Variants in PPP1R12B observed in about 807,000 individuals in gnomAD.
The protein encoded by PPP1R12B is myosin phosphatase target subunit 2.
PPP1R12B carries 76 observed loss-of-function variants against 126.1 expected under a neutral mutation model. The ratio of observed to expected loss-of-function variants is 0.60; its 90% CI spans 0.50 to 0.73. The LOEUF is 0.73. PPP1R12B is among the 30% of genes least tolerant of loss of function. The pLI, the probability that PPP1R12B is intolerant of heterozygous loss-of-function variation, is 0.00. For missense variants in PPP1R12B, 1,052 were observed against 1,205.1 expected (o/e 0.87, Z 1.88); for synonymous variants, 356 against 434.7 (o/e 0.82, Z 2.25).
intron 3 of PPP1R12B, 150 bp downstream of exon 3, chr1:202,422,888 A>G (rs1668991650): frequency 6.2e-6 from 7 of 1,135,182 alleles, no homozygotes; most frequent in Non-Finnish European, 4.9e-6. Context: ...ATCCAGCATC[A>G]TGTATCCTCA....
intron 10 of PPP1R12B, chr1:202,438,957 T>C: frequency 1.3e-6 from 2 of 1,535,446 alleles, no homozygotes; most frequent in Non-Finnish European, 1.8e-6. Context: ...TGGCCTGACC[T>C]GGAGATGCTC....
chr1:202,443,189 C>T, intron 12 of PPP1R12B: 1 of 879,882 alleles, frequency 1.1e-6, no homozygotes, highest in Non-Finnish European at 1.4e-6. Flanking sequence ...TTCTTTGCCA[C>T]ATACTAGCCA....
intron 13 of PPP1R12B, among the ~76,000 whole-genome samples, chr1:202,461,183 C>T (rs1674265152): frequency 6.6e-6 from 1 of 150,762 alleles, no homozygotes; most frequent in African/African-American, 2.4e-5. Context: ...TAGTGAGATC[C>T]CCATCTCTTT....
chr1:202,551,143 A>G (rs1314257750), intron 18 of PPP1R12B, among the ~76,000 whole-genome samples: 6 of 152,228 alleles, frequency 3.9e-5, no homozygotes, highest in Non-Finnish European at 8.8e-5. Context: ...TCATTTTTAC[A>G]TGCCTTAAAT....
chr1:202,396,978 C>T (rs958166573), intron 1 of PPP1R12B, among the ~76,000 whole-genome samples: 5 of 152,120 alleles, frequency 3.3e-5, no homozygotes, highest in Admixed American at 6.6e-5. Flanking sequence ...CAACCTTATT[C>T]GCCAACCTTT....
chr1:202,574,114 TC>T (rs1558392399), intron 23 of PPP1R12B, among the ~76,000 whole-genome samples: 1 of 151,828 alleles, frequency 6.6e-6, no homozygotes, highest in Non-Finnish European at 1.5e-5. Context: ...AGCTGACAGT[TC>T]TTTCTTATTT....
At chr1:202,543,629 C>T (rs557836435) in intron 18 of PPP1R12B, among the ~76,000 whole-genome samples, 4 of 152,154 alleles carry the variant, frequency 2.6e-5, no homozygotes, top group South Asian at 4.2e-4. Flanking sequence ...TTAAGCTTTT[C>T]GGGAGGCTGA....
intron 2 of PPP1R12B, among the ~76,000 whole-genome samples, chr1:202,421,434 C>T (rs1199204145): frequency 6.6e-6 from 1 of 150,688 alleles, no homozygotes; most frequent in Non-Finnish European, 1.5e-5. Flanking sequence ...GTCTGGAGTT[C>T]AAGACCAGCC....
intron 18 of PPP1R12B, among the ~76,000 whole-genome samples, chr1:202,500,834 A>G (rs1680148559): frequency 6.6e-6 from 1 of 152,222 alleles, no homozygotes; most frequent in African/African-American, 2.4e-5. Context: ...TACCACATAA[A>G]TACGTACTAT....
intron 1 of PPP1R12B, among the ~76,000 whole-genome samples, chr1:202,396,400 A>G (rs1664986006): frequency 6.6e-6 from 1 of 152,166 alleles, no homozygotes; most frequent in Non-Finnish European, 1.5e-5. Context: ...GATTTAATGA[A>G]TATTAATTCA....
At chr1:202,468,694 C>T (rs1033672434) in intron 13 of PPP1R12B, among the ~76,000 whole-genome samples, 2 of 152,188 alleles carry the variant, frequency 1.3e-5, no homozygotes, top group African/African-American at 4.8e-5. Context: ...TGGCTCATGC[C>T]TGTAATCCCA....
chr1:202,483,852 C>T (rs1677727410), intron 13 of PPP1R12B, among the ~76,000 whole-genome samples: 1 of 152,178 alleles, frequency 6.6e-6, no homozygotes, highest in African/African-American at 2.4e-5. Context: ...TAATTGTACC[C>T]TTTATCAATG....
chr1:202,547,302 CT>C (rs1685744188), intron 18 of PPP1R12B, among the ~76,000 whole-genome samples: 1 of 152,166 alleles, frequency 6.6e-6, no homozygotes, highest in Admixed American at 6.5e-5. Context: ...CTTTCATCAG[CT>C]TTTTATTTCT....
rs539757731 is a variant in PPP1R12B at position 202,395,607 on chromosome 1, A to G, written c.292-21180A>G. 4.6e-5 allele frequency among the ~76,000 whole-genome samples: 7 copies of G among 152,220 alleles called. No homozygotes were observed. The East Asian group carries it at 1.4e-3, about 29-fold the overall frequency. Reference sequence around the variant, plus strand: ...GTCACCTATATCTGCTCCTCCTCTAATGCATCTGGCTTTTTGGCCATAATG... The same window carrying G: ...GTCACCTATATCTGCTCCTCCTCTAGTGCATCTGGCTTTTTGGCCATAATG... On this transcript the variant is annotated intron_variant, in intron 1 of 23. Transcript: ENST00000608999.
intron 13 of PPP1R12B, among the ~76,000 whole-genome samples, chr1:202,460,546 G>T (rs1301596816): frequency 6.6e-6 from 1 of 151,130 alleles, no homozygotes; most frequent in African/African-American, 2.4e-5. Flanking sequence ...ACTCAAAGAG[G>T]TTCCACAAAC....
chr1:202,438,189 T>C (rs1671079760), intron 10 of PPP1R12B, 165 bp downstream of exon 10: 3 of 1,558,506 alleles, frequency 1.9e-6, no homozygotes, highest in African/African-American at 2.7e-5. Flanking sequence ...AAGTAGCTAT[T>C]TGCTTGCTAT....
At chr1:202,559,579 T>C (rs1359582327) in intron 19 of PPP1R12B, among the ~76,000 whole-genome samples, 3 of 152,164 alleles carry the variant, frequency 2.0e-5, no homozygotes, top group Non-Finnish European at 4.4e-5. Flanking sequence ...AATAATAGAC[T>C]ATAGAGCCAA....
In PPP1R12B at chr1:202,587,915, G is replaced by C. The variant is rs1312598792; in HGVS notation, c.*7355G>C. The C allele has an allele frequency of 6.6e-6, 1 of 152,226 alleles. No homozygotes were observed. The highest frequency in any genetic ancestry group is 6.5e-5 in the Admixed American group (1 of 15,280). 9.4% of individuals were successfully genotyped at this position (152,226 alleles called of 1,614,324 possible). Reference sequence around the variant, plus strand: ...GGGGTAGGAGAGGGTTCTGAGAGGAGGCAGCAATCCAGAATACCTCCTTTT... The same window carrying C: ...GGGGTAGGAGAGGGTTCTGAGAGGACGCAGCAATCCAGAATACCTCCTTTT... On this transcript the variant is annotated 3_prime_UTR_variant, in exon 24 of 24. Transcript: ENST00000608999.
At chr1:202,440,075 G>T (rs1671412190) in intron 10 of PPP1R12B, 1 of 153,442 alleles carries the variant, frequency 6.5e-6, no homozygotes, top group Admixed American at 6.5e-5. Flanking sequence ...GGAAAATGTG[G>T]TTAGGCTAAC....
Sources: allele counts gnomAD v4.1 joint callset (sites outside exome capture counted in the v4.1 genomes callset), GRCh38; gene constraint gnomAD v4.1.1; transcripts MANE v1.5; gene names NCBI Gene and HGNC (gene_info 2026-07-23, HGNC 2026-07-21).